The following PAN3 variants were observed in gnomAD, a reference collection of about 807,000 sequenced individuals.
PAN3 encodes the protein poly(A) specific ribonuclease subunit PAN3.
PAN3 carries 19 observed loss-of-function variants against 96.2 expected under a neutral mutation model. The ratio of observed to expected loss-of-function variants is 0.20; its 90% confidence interval spans 0.14 to 0.29. The LOEUF (loss-of-function observed/expected upper bound fraction) is 0.29. PAN3 is among the 10% of genes least tolerant of loss of function. The pLI, the probability that PAN3 is intolerant of heterozygous loss-of-function variation, is 1.00. For synonymous variants in PAN3, 433 were observed against 406.6 expected, an observed-to-expected ratio of 1.06 and a Z score of -0.78; for missense variants, 882 against 1,108.1, an observed-to-expected ratio of 0.80 and a Z score of 2.90.
intron 5 of PAN3, among the ~76,000 whole-genome samples, chr13:28,210,380 A>G (rs1056626708): frequency 2.0e-5 from 3 of 152,038 alleles, no homozygotes; most frequent in Non-Finnish European, 2.9e-5. Flanking sequence ...TTGTCAAGTT[A>G]TAAATAGGAG....
chr13:28,166,250 A>G (rs1420412014), intron 1 of PAN3, among the ~76,000 whole-genome samples: 2 of 152,248 alleles, frequency 1.3e-5, no homozygotes, highest in Non-Finnish European at 2.9e-5. Context: ...TAGGACAGAC[A>G]CAGGATAGAT....
intron 6 of PAN3, among the ~76,000 whole-genome samples, chr13:28,243,908 G>A (rs904881151): frequency 2.6e-5 from 4 of 152,086 alleles, no homozygotes; most frequent in Middle Eastern, 3.2e-3. Flanking sequence ...GGCTGGTCTC[G>A]AACTCCTGAC....
In PAN3 at chr13:28,197,197, C is replaced by T; in HGVS notation, c.703C>T (p.Arg235Cys). The change falls in exon 5 of 19, where the codon CGC becomes TGC. Residue 235 changes from arginine (R) to cysteine (C), a missense_variant. Arg to Cys is a radical substitution (Grantham distance 180, BLOSUM62 -3). Coordinates refer to ENST00000380958, the MANE Select transcript of PAN3 (RefSeq NM_175854.8). ...TTCTTTTTCCTAGCCAAGGAAGTAT[C>T]GCCTGGGGATGCTGGAGGAGAGGCT... ...ISQRRKPRKY[R>C]LGMLEERLVP... The T allele has an allele frequency of 5.6e-6, 9 of 1,612,358 alleles. No individual in the cohort carries two copies. Among genetic ancestry groups the T allele is most frequent in the Non-Finnish European group, 6.8e-6 (8 of 1,179,212 alleles).
chr13:28,189,243 C>T (rs555221943), intron 4 of PAN3, among the ~76,000 whole-genome samples: 10 of 152,114 alleles, frequency 6.6e-5, no homozygotes, highest in South Asian at 4.2e-4. Context: ...GTTAGCCAGG[C>T]GTGGTGGCTC....
chr13:28,143,618 TG>T, intron 1 of PAN3, among the ~76,000 whole-genome samples: 1 of 152,230 alleles, frequency 6.6e-6, no homozygotes, highest in East Asian at 1.9e-4. Flanking sequence ...TTTTCTCATC[TG>T]GAAAATGGAG....
intron 18 of PAN3, among the ~76,000 whole-genome samples, chr13:28,289,663 C>G (rs1377926195): frequency 6.6e-6 from 1 of 152,100 alleles, no homozygotes; most frequent in Non-Finnish European, 1.5e-5. Flanking sequence ...GGGCGGATCA[C>G]GAGGTCAGGA....
At chr13:28,187,024 A>G (rs1182941983) in intron 4 of PAN3, among the ~76,000 whole-genome samples, 1 of 152,018 alleles carries the variant, frequency 6.6e-6, no homozygotes, top group Non-Finnish European at 1.5e-5. Flanking sequence ...ACATGGTAAG[A>G]CCCGTCTTTA....
chr13:28,143,812 G>A (rs1344195546), intron 1 of PAN3, among the ~76,000 whole-genome samples: 2 of 152,168 alleles, frequency 1.3e-5, no homozygotes, highest in Non-Finnish European at 2.9e-5. Flanking sequence ...CCAAATGGAG[G>A]AGAGCAGTGC....
At chr13:28,158,346 T>C (rs940123196) in intron 1 of PAN3, among the ~76,000 whole-genome samples, 1 of 152,000 alleles carries the variant, frequency 6.6e-6, no homozygotes, top group African/African-American at 2.4e-5. Flanking sequence ...AATTGACAAA[T>C]GAGACCTAAT....
intron 1 of PAN3, among the ~76,000 whole-genome samples, chr13:28,140,175 G>T (rs1196626417): frequency 6.6e-6 from 1 of 152,122 alleles, no homozygotes; most frequent in African/African-American, 2.4e-5. Context: ...GTCTCAAACT[G>T]CTGGCCTCAA....
Position 28,256,298 on chromosome 13 carries a change from CGTT to C in PAN3, c.1010_1012del (p.Leu337del). On this transcript the variant is annotated inframe_deletion, in exon 7 of 19. Transcript: ENST00000380958. ...ATTTTTACATCTTCTTCAGGAATGT[CGTT>C]GTCTGCTGGGTCTTCCCCTCTTCAT... The C allele has an allele frequency of 6.2e-7, 1 of 1,612,576 alleles. No homozygotes were observed. The highest frequency in any genetic ancestry group is 8.5e-7 in the Non-Finnish European group (1 of 1,179,210).
chr13:28,193,117 G>A (rs1166788389), intron 4 of PAN3, among the ~76,000 whole-genome samples: 1 of 152,178 alleles, frequency 6.6e-6, no homozygotes, highest in Admixed American at 6.5e-5. Flanking sequence ...AATGTTTTAA[G>A]AAGTTTACGA....
intron 1 of PAN3, among the ~76,000 whole-genome samples, chr13:28,172,412 C>T (rs1295528186): frequency 3.3e-5 from 5 of 152,000 alleles, no homozygotes; most frequent in South Asian, 2.1e-4. Flanking sequence ...GCCGAGATCA[C>T]GCCACTGCAT....
At chr13:28,277,804 A>T (rs901842597) in intron 15 of PAN3, among the ~76,000 whole-genome samples, 2 of 152,202 alleles carry the variant, frequency 1.3e-5, no homozygotes, top group African/African-American at 4.8e-5. Context: ...TGCTCTAGAG[A>T]GTGTGAAAGC....
chr13:28,270,482 AGCCC>A (rs1407487310), intron 12 of PAN3, among the ~76,000 whole-genome samples: 1 of 152,224 alleles, frequency 6.6e-6, no homozygotes, highest in Non-Finnish European at 1.5e-5. Context: ...TTTCAGTGAG[AGCCC>A]TATTGCTGGT....
intron 5 of PAN3, chr13:28,214,883 T>C: frequency 1.2e-6 from 1 of 851,432 alleles, no homozygotes; most frequent in South Asian, 1.3e-5. Flanking sequence ...TTGGTGAAAT[T>C]GAAGCTAGTA....
At chr13:28,289,064 G>T (rs1255285324) in intron 18 of PAN3, among the ~76,000 whole-genome samples, 1 of 151,752 alleles carries the variant, frequency 6.6e-6, no homozygotes, top group African/African-American at 2.4e-5. Context: ...CTGACCTCGT[G>T]ATCCACCCGC....
chr13:28,204,626 A>C (rs1478645210), intron 5 of PAN3, among the ~76,000 whole-genome samples: 1 of 152,198 alleles, frequency 6.6e-6, no homozygotes, highest in Admixed American at 6.5e-5. Flanking sequence ...ACTCACTTGA[A>C]TATTTTGAAA....
At chr13:28,181,320 A>G (rs1384303975) in intron 4 of PAN3, among the ~76,000 whole-genome samples, 1 of 151,914 alleles carries the variant, frequency 6.6e-6, no homozygotes, top group Non-Finnish European at 1.5e-5. Flanking sequence ...ACTAGCCTGG[A>G]CAATGTAGTG....
Sources: allele counts gnomAD v4.1 joint callset (sites outside exome capture counted in the v4.1 genomes callset), GRCh38; gene constraint gnomAD v4.1.1; transcripts MANE v1.5; gene names NCBI Gene and HGNC (gene_info 2026-07-23, HGNC 2026-07-21).